Variants in EVA1C observed in about 807,000 individuals in gnomAD.
EVA1C encodes the protein protein eva-1 homolog C.
EVA1C carries 25 observed loss-of-function variants against 45.4 expected under a neutral mutation model. The observed-to-expected ratio is 0.55, with a 90% CI of 0.40 to 0.77. The LOEUF (loss-of-function observed/expected upper bound fraction) is 0.77. Among genes scored for constraint, EVA1C ranks in the 30% least tolerant of loss-of-function variants. The probability of loss-of-function intolerance (pLI) is 0.00; values close to 1 mark genes in which losing one functional copy is unlikely to be tolerated. For missense variants in EVA1C, 479 were observed against 554.8 expected, an observed-to-expected ratio of 0.86 and a Z score of 1.37; for synonymous variants, 190 against 221.2, an observed-to-expected ratio of 0.86 and a Z score of 1.25.
chr21:32,491,916 G>C (rs557271187), intron 4 of EVA1C, among the ~76,000 whole-genome samples: 1 of 152,124 alleles, frequency 6.6e-6, no homozygotes, highest in Non-Finnish European at 1.5e-5. Flanking sequence ...GGAGTGGCCA[G>C]CGCTGAAGGC....
At chr21:32,426,976 A>G (rs1337651715) in intron 1 of EVA1C, among the ~76,000 whole-genome samples, 3 of 152,184 alleles carry the variant, frequency 2.0e-5, no homozygotes, top group Non-Finnish European at 4.4e-5. Context: ...AAAAAGGTCT[A>G]TTGTGTGGCT....
rs368043450 is a variant in EVA1C at position 32,467,645 on chromosome 21, A to G, written c.482-51A>G. On this transcript the variant is annotated intron_variant, in intron 3 of 7. Coordinates refer to ENST00000300255, the MANE Select transcript of EVA1C (RefSeq NM_058187.5). The stretch of plus-strand genomic sequence containing the variant: ...AATGGGACTTGGACAGAGCTCACCA[A>G]TTCCTTCTGGGGGAAGCTGATGGTG... The G allele has an allele frequency of 2.1e-4, 332 of 1,559,064 alleles. 1 individual carries two copies. The highest frequency in any genetic ancestry group is 2.7e-4 in the Non-Finnish European group (309 of 1,155,116).
At chr21:32,497,524 T>C (rs1160775811) in intron 5 of EVA1C, among the ~76,000 whole-genome samples, 1 of 152,212 alleles carries the variant, frequency 6.6e-6, no homozygotes, top group Non-Finnish European at 1.5e-5. Flanking sequence ...CATTACAGAA[T>C]CATGATGTAT....
intron 4 of EVA1C, among the ~76,000 whole-genome samples, chr21:32,470,306 G>T (rs2036322756): frequency 6.6e-6 from 1 of 152,234 alleles, no homozygotes; most frequent in African/African-American, 2.4e-5. Context: ...CCTCCCAAAT[G>T]CGAAGCCCCG....
intron 7 of EVA1C, among the ~76,000 whole-genome samples, chr21:32,508,264 C>A (rs929013001): frequency 1.3e-5 from 2 of 152,142 alleles, no homozygotes; most frequent in Admixed American, 1.3e-4. Context: ...CCTTTTGTGG[C>A]CTAATATTTC....
In EVA1C at chr21:32,452,676, G is replaced by A. The variant is rs2035626234; in HGVS notation, c.161-636G>A. The A allele has an allele frequency of 6.6e-6, 1 of 152,254 alleles. No homozygotes were observed. Among genetic ancestry groups the A allele is most frequent in the African/African-American group, 2.4e-5 (1 of 41,456 alleles). 9.4% of individuals were successfully genotyped at this position (152,254 alleles called of 1,614,324 possible). A position where few individuals can be genotyped will look rare whatever the true frequency, so the allele number is the denominator to read the frequency against. ...GCATGGACTTGGAGAAGGAGTGCAA[G>A]GTTTTATTGAGTGGAGGAGGTGGCT... On this transcript the variant is annotated intron_variant, in intron 1 of 7. Coordinates refer to ENST00000300255, the MANE Select transcript of EVA1C (RefSeq NM_058187.5). This position sits in a 1 kb window ranked among gnomAD's most constrained non-coding sequence, Gnocchi z 4.0.
At chr21:32,509,779 G>T (rs942684811) in intron 7 of EVA1C, among the ~76,000 whole-genome samples, 9 of 151,732 alleles carry the variant, frequency 5.9e-5, no homozygotes, top group African/African-American at 1.9e-4. Context: ...CTAAGGCAGG[G>T]GGAGGTATCT....
intron 1 of EVA1C, among the ~76,000 whole-genome samples, chr21:32,442,764 A>G (rs779928061): frequency 4.6e-5 from 7 of 150,734 alleles, no homozygotes; most frequent in Non-Finnish European, 8.8e-5. Flanking sequence ...GCCCCTGGTG[A>G]TTAGGGGACT....
chr21:32,464,168 C>G (rs1321472139), intron 3 of EVA1C, among the ~76,000 whole-genome samples: 1 of 152,192 alleles, frequency 6.6e-6, no homozygotes, highest in Non-Finnish European at 1.5e-5. Flanking sequence ...CAAAACTTGC[C>G]TTGGCTCTAA....
intron 1 of EVA1C, among the ~76,000 whole-genome samples, chr21:32,419,670 G>T (rs1293316164): frequency 1.3e-5 from 2 of 152,118 alleles, no homozygotes; most frequent in African/African-American, 2.4e-5. Flanking sequence ...AGCCGAAATC[G>T]TGCTTCTGCA....
At position 32,457,690 on chromosome 21, in the gene EVA1C, T is replaced by G; in HGVS notation, c.451T>G (p.Tyr151Asp). 11 of 1,614,120 alleles carry G rather than the reference T, an allele frequency of 6.8e-6. No homozygotes were observed. Among genetic ancestry groups the G allele is most frequent in the Non-Finnish European group, 9.3e-6 (11 of 1,180,002 alleles). ...TGACCTTTGTCCAGGAAGCAGTAAATACCTCCTGGTCTCCTTTAAATGCCA... is the reference window on the plus strand; with the variant it reads ...TGACCTTTGTCCAGGAAGCAGTAAAGACCTCCTGGTCTCCTTTAAATGCCA... ...GPDLCPGSSKYLLVSFKCQPN... is the reference protein window; with the variant it reads ...GPDLCPGSSKDLLVSFKCQPN... Residue 151 changes from tyrosine to aspartate, a missense_variant, in exon 3 of 8, where the codon TAC becomes GAC. Transcript: ENST00000300255.
intron 7 of EVA1C, among the ~76,000 whole-genome samples, chr21:32,505,921 CCT>C (rs2037708930): frequency 6.6e-6 from 1 of 150,698 alleles, no homozygotes; most frequent in South Asian, 2.1e-4. Context: ...ACTCTGATCC[CCT>C]GTTCTGCACT....
At chr21:32,476,294 G>C (rs2036562147) in intron 4 of EVA1C, among the ~76,000 whole-genome samples, 1 of 151,876 alleles carries the variant, frequency 6.6e-6, no homozygotes, top group South Asian at 2.1e-4. Flanking sequence ...GGCAGTTTGG[G>C]TTTGTTATGT....
At chr21:32,428,167 C>T (rs1348266553) in intron 1 of EVA1C, among the ~76,000 whole-genome samples, 3 of 152,164 alleles carry the variant, frequency 2.0e-5, no homozygotes, top group South Asian at 2.1e-4. Flanking sequence ...ATTAGTCCAG[C>T]GTGGAGGCGA....
intron 4 of EVA1C, among the ~76,000 whole-genome samples, chr21:32,494,770 A>T (rs1260187579): frequency 7.1e-6 from 1 of 140,922 alleles, no homozygotes; most frequent in East Asian, 2.2e-4. Context: ...CGACAGAACA[A>T]GAATCAGTTT....
chr21:32,422,165 T>C (rs1362484710), intron 1 of EVA1C, among the ~76,000 whole-genome samples: 1 of 151,656 alleles, frequency 6.6e-6, no homozygotes, highest in African/African-American at 2.4e-5. Context: ...ATCAAAGATA[T>C]CTACTAACAT....
chr21:32,493,484 G>C (rs968253648), intron 4 of EVA1C, among the ~76,000 whole-genome samples: 4 of 152,082 alleles, frequency 2.6e-5, no homozygotes, highest in African/African-American at 9.7e-5. Context: ...CCTGTGGCCA[G>C]CCCCTGCAGG....
chr21:32,457,506 C>A, intron 2 of EVA1C, 91 bp from the exon 3 acceptor site: 1 of 1,532,718 alleles, frequency 6.5e-7, no homozygotes, highest in Non-Finnish European at 9.0e-7. Flanking sequence ...GGCGTCCTTC[C>A]CTTTGCAGAG....
intron 1 of EVA1C, among the ~76,000 whole-genome samples, chr21:32,434,794 G>A (rs1199709206): frequency 6.6e-6 from 1 of 152,272 alleles, no homozygotes; most frequent in Non-Finnish European, 1.5e-5. Context: ...ATGGAGCGTG[G>A]CCCTGACAAT....
Sources: gnomAD v4.1 joint callset for allele counts (sites outside exome capture counted in the v4.1 genomes callset) on GRCh38, gnomAD v4.1.1 for gene constraint, Gnocchi (gnomAD v3.1) non-coding constraint, MANE v1.5 for transcripts, NCBI Gene and HGNC (gene_info 2026-07-23, HGNC 2026-07-21) for gene names.